LDAH: variants seen among roughly 807,000 people sequenced by gnomAD.
The protein encoded by LDAH is lipid droplet-associated hydrolase.
Under a neutral mutation model 29.6 loss-of-function variants are expected in LDAH, and 26 were observed. That is an observed-to-expected ratio of 0.88 (90% CI 0.64 to 1.22). The LOEUF (loss-of-function observed/expected upper bound fraction) is 1.22. Among genes scored for constraint, LDAH ranks in the 50% most tolerant of loss-of-function variants. The probability of loss-of-function intolerance (pLI) is 0.00; values close to 1 mark genes in which losing one functional copy is unlikely to be tolerated. For synonymous variants in LDAH, 117 were observed against 133.0 expected, an observed-to-expected ratio of 0.88 and a Z score of 0.83; for missense variants, 344 against 387.3, an observed-to-expected ratio of 0.89 and a Z score of 0.94.
chr2:20,710,300 A>G (rs2149371737), intron 5 of LDAH, among the ~76,000 whole-genome samples: 1 of 152,272 alleles, frequency 6.6e-6, no homozygotes, highest in African/African-American at 2.4e-5. Flanking sequence ...TAATTTTGTG[A>G]AAAACTTTAT....
chr2:20,771,545 G>C (rs185630225), intron 4 of LDAH, among the ~76,000 whole-genome samples: 112 of 152,296 alleles, frequency 7.4e-4, no homozygotes, highest in Non-Finnish European at 1.3e-3. Context: ...CAGGCACTGC[G>C]GTGTCTTAGA....
At position 20,700,871 on chromosome 2, in the gene LDAH, T is replaced by C. The variant is rs372917233; in HGVS notation, c.786+699A>G. Among the ~76,000 whole-genome samples, 226 of 152,362 alleles carry C rather than the reference T, an allele frequency of 1.5e-3. 4 individuals carry two copies. The South Asian group carries it at 0.043, about 29-fold the overall frequency. The stretch of plus-strand genomic sequence containing the variant: ...AAATCCAATGTGTGTTTTACACTTA[T>C]GGCACAACTCAATTAAGGCTAGCCA... On this transcript the variant is annotated intron_variant, in intron 6 of 6. Coordinates refer to ENST00000237822, the MANE Select transcript of LDAH (RefSeq NM_021925.4).
intron 5 of LDAH, among the ~76,000 whole-genome samples, chr2:20,726,798 C>T (rs6726025): frequency 0.24 from 36,857 of 152,044 alleles, 4,969 homozygotes; most frequent in East Asian, 0.36. Context: ...CTTACCTAAG[C>T]GACACTGAGT....
intron 4 of LDAH, among the ~76,000 whole-genome samples, chr2:20,755,411 A>G (rs1668276104): frequency 6.6e-6 from 1 of 152,162 alleles, no homozygotes; most frequent in Non-Finnish European, 1.5e-5. Flanking sequence ...CTTTGAACAT[A>G]TTAATTTACT....
intron 4 of LDAH, among the ~76,000 whole-genome samples, chr2:20,747,810 T>C (rs1667681522): frequency 6.6e-6 from 1 of 152,198 alleles, no homozygotes; most frequent in African/African-American, 2.4e-5. Flanking sequence ...ATGCACTTTA[T>C]ATATATTGTT....
intron 1 of LDAH, 43 bp from the exon 2 acceptor site, chr2:20,801,508 TA>T: frequency 6.4e-7 from 1 of 1,557,102 alleles, no homozygotes; most frequent in African/African-American, 1.4e-5. Flanking sequence ...CAGTAAAATG[TA>T]AAACCTTGAG....
In LDAH at chr2:20,685,278, A is replaced by C. The variant is rs1369595169; in HGVS notation, c.*1625T>G. Reference sequence around the variant, plus strand: ...GTATGATTTACCCAGTATTGTTTACATGCCTTGATTTAGTATCAGTGAGTA... The same window carrying C: ...GTATGATTTACCCAGTATTGTTTACCTGCCTTGATTTAGTATCAGTGAGTA... On this transcript the variant is annotated 3_prime_UTR_variant, in exon 7 of 7. Coordinates refer to ENST00000237822, the MANE Select transcript of LDAH (RefSeq NM_021925.4). 2 of 510,156 alleles carry C rather than the reference A, an allele frequency of 3.9e-6. No homozygotes were observed. Among genetic ancestry groups the C allele is most frequent in the Non-Finnish European group, 3.4e-6 (1 of 293,854 alleles). 31.6% of individuals were successfully genotyped at this position (510,156 alleles called of 1,614,324 possible).
chr2:20,784,865 C>T (rs1001422651), intron 3 of LDAH, among the ~76,000 whole-genome samples: 7 of 151,516 alleles, frequency 4.6e-5, no homozygotes, highest in East Asian at 1.9e-4. Flanking sequence ...CCAGCCTGGG[C>T]GAGAGAGTGA....
chr2:20,742,159 A>G (rs1407752947), intron 4 of LDAH, among the ~76,000 whole-genome samples: 3 of 152,136 alleles, frequency 2.0e-5, no homozygotes, highest in Non-Finnish European at 4.4e-5. Context: ...GTGGTCTGAG[A>G]GCAGGCATTA....
intron 4 of LDAH, among the ~76,000 whole-genome samples, chr2:20,751,292 T>A (rs1667954359): frequency 1.3e-5 from 2 of 152,216 alleles, no homozygotes; most frequent in Admixed American, 1.3e-4. Context: ...TGGAATGTAG[T>A]TTCCACTAGT....
intron 4 of LDAH, among the ~76,000 whole-genome samples, chr2:20,743,435 A>G (rs578128012): frequency 7.2e-5 from 11 of 152,106 alleles, no homozygotes; most frequent in Non-Finnish European, 1.5e-4. Flanking sequence ...TTTAAATAAC[A>G]CTATACCACT....
In LDAH at chr2:20,739,855, AG is replaced by A. The variant is rs368837009; in HGVS notation, c.703+115del. On this transcript the variant is annotated intron_variant, in intron 5 of 6. Coordinates refer to ENST00000237822, the MANE Select transcript of LDAH (RefSeq NM_021925.4). ...ATTTCTAGTTTTAAACTTTTGGAAG[AG>A]GAAAAAAAAACTAGTAAATAATTGC... The A allele has an allele frequency of 4.7e-4, 314 of 666,432 alleles. 1 individual carries two copies. The South Asian group carries it at 8.3e-3, about 18-fold the overall frequency. The allele number at this position is 666,432 out of a possible 1,614,324, so 41.3% of individuals were successfully genotyped here. A position where few individuals can be genotyped will look rare whatever the true frequency, so the allele number is the denominator to read the frequency against.
chr2:20,719,545 A>G (rs948671362), intron 5 of LDAH, among the ~76,000 whole-genome samples: 1 of 152,144 alleles, frequency 6.6e-6, no homozygotes, highest in African/African-American at 2.4e-5. Flanking sequence ...ATTCTACCAA[A>G]CATCTGAAGA....
chr2:20,795,705 T>G (rs750942209), intron 2 of LDAH, among the ~76,000 whole-genome samples: 1 of 152,028 alleles, frequency 6.6e-6, no homozygotes, highest in Admixed American at 6.6e-5. Flanking sequence ...AAGAAAATGA[T>G]ATTGCATCCA....
chr2:20,796,451 GTCAC>G (rs1445230587), intron 2 of LDAH, among the ~76,000 whole-genome samples: 2 of 151,974 alleles, frequency 1.3e-5, no homozygotes, highest in Non-Finnish European at 2.9e-5. Context: ...CAACTTTTTA[GTCAC>G]TCACACTTTC....
rs1351492365 is a variant in LDAH, at chr2:20,787,218, A to T, written c.298+3037T>A. ...CTTGTCTCTCTAGATTTTAGGTGAC[A>T]ATTTGTCCTGTGACCTCAATTCTCT... On this transcript the variant is annotated intron_variant, in intron 3 of 6. Coordinates refer to ENST00000237822, the MANE Select transcript of LDAH (RefSeq NM_021925.4). 2.6e-5 allele frequency among the ~76,000 whole-genome samples: 4 copies of T among 152,198 alleles called. No homozygotes were observed. The East Asian group carries it at 7.7e-4, about 29-fold the overall frequency.
intron 4 of LDAH, among the ~76,000 whole-genome samples, chr2:20,771,508 G>C (rs1373184446): frequency 2.0e-5 from 3 of 152,166 alleles, no homozygotes; most frequent in African/African-American, 7.2e-5. Flanking sequence ...ATCTTAAATG[G>C]AGCATGTCAT....
At chr2:20,760,709 T>C (rs1475475373) in intron 4 of LDAH, among the ~76,000 whole-genome samples, 1 of 152,226 alleles carries the variant, frequency 6.6e-6, no homozygotes, top group African/African-American at 2.4e-5. Context: ...ACCCACAACA[T>C]GGCAGTTTGC....
chr2:20,689,659 C>G (rs1040678380), intron 6 of LDAH, among the ~76,000 whole-genome samples: 2 of 152,236 alleles, frequency 1.3e-5, no homozygotes, highest in Non-Finnish European at 2.9e-5. Flanking sequence ...CTAAGCTACT[C>G]CCTATATTTA....
Sources: allele counts gnomAD v4.1 joint callset (sites outside exome capture counted in the v4.1 genomes callset), GRCh38; gene constraint gnomAD v4.1.1; transcripts MANE v1.5; gene names NCBI Gene and HGNC (gene_info 2026-07-23, HGNC 2026-07-21).